Variants in IL1RAPL1 observed in about 807,000 individuals in gnomAD.
IL1RAPL1 encodes the protein interleukin-1 receptor accessory protein-like 1.
IL1RAPL1 carries 3 observed loss-of-function variants against 48.4 expected under a neutral mutation model. The observed-to-expected ratio is 0.06, with a 90% CI of 0.03 to 0.16. The LOEUF (loss-of-function observed/expected upper bound fraction) is 0.16, where lower values mean the gene tolerates loss of function less well. Among genes scored for constraint, IL1RAPL1 ranks in the 10% least tolerant of loss-of-function variants. The pLI is 1.00. For missense variants in IL1RAPL1, 349 were observed against 530.6 expected, an observed-to-expected ratio of 0.66 and a Z score of 3.36; for synonymous variants, 185 against 187.7, an observed-to-expected ratio of 0.99 and a Z score of 0.12.
chrX:29,207,025 G>T (rs1930679160), intron 2 of IL1RAPL1, among the ~76,000 whole-genome samples: 1 of 111,321 alleles, frequency 9.0e-6, no homozygotes, highest in Non-Finnish European at 1.9e-5. Context: ...TCACCCCAAG[G>T]GCTAGAAATG....
At chrX:28,799,778 T>A (rs1320717084) in intron 2 of IL1RAPL1, among the ~76,000 whole-genome samples, 1 of 111,647 alleles carries the variant, frequency 9.0e-6, no homozygotes, top group South Asian at 3.7e-4. Context: ...CTAGTGAGTG[T>A]TTGGAGATGA....
intron 2 of IL1RAPL1, among the ~76,000 whole-genome samples, chrX:29,071,032 T>A (rs768540642): frequency 2.1e-4 from 24 of 111,849 alleles, no homozygotes; most frequent in Non-Finnish European, 4.3e-4. Flanking sequence ...TGGAAGAATT[T>A]AAAATGATAT....
chrX:29,353,661 T>G (rs1933263688), intron 3 of IL1RAPL1, among the ~76,000 whole-genome samples: 1 of 111,220 alleles, frequency 9.0e-6, no homozygotes, highest in Non-Finnish European at 1.9e-5. Flanking sequence ...AAAATATACA[T>G]TTTATCATGC....
At chrX:29,473,767 C>A (rs1023767126) in intron 5 of IL1RAPL1, among the ~76,000 whole-genome samples, 8 of 110,778 alleles carry the variant, frequency 7.2e-5, no homozygotes, top group East Asian at 5.7e-4. Flanking sequence ...TATCTTGCTT[C>A]GTAATTGTAC....
At chrX:29,069,442 A>G in intron 2 of IL1RAPL1, among the ~76,000 whole-genome samples, 1 of 111,439 alleles carries the variant, frequency 9.0e-6, no homozygotes, top group Non-Finnish European at 1.9e-5. Flanking sequence ...ACATAAGTGC[A>G]TACATATGGA....
chrX:29,120,003 C>A (rs1928749584), intron 2 of IL1RAPL1, among the ~76,000 whole-genome samples: 1 of 111,188 alleles, frequency 9.0e-6, no homozygotes, highest in Admixed American at 9.6e-5. Flanking sequence ...AGGGAAATAA[C>A]AAATTCCACC....
At chrX:29,621,541 G>A (rs1924462826) in intron 5 of IL1RAPL1, among the ~76,000 whole-genome samples, 1 of 110,781 alleles carries the variant, frequency 9.0e-6, no homozygotes, top group Admixed American at 9.6e-5. Flanking sequence ...TTACCCAAGT[G>A]AAAAAAGAAA....
intron 2 of IL1RAPL1, among the ~76,000 whole-genome samples, chrX:29,217,759 TC>T (rs1463527466): frequency 1.0e-4 from 6 of 57,900 alleles, no homozygotes; most frequent in Non-Finnish European, 1.9e-4. Context: ...ACATTTTTTC[TC>T]TCTCTCTCTC....
intron 2 of IL1RAPL1, among the ~76,000 whole-genome samples, chrX:28,834,826 G>A (rs1348060393): frequency 1.8e-5 from 2 of 111,491 alleles, no homozygotes; most frequent in Non-Finnish European, 3.8e-5. Context: ...TTGAAATCTA[G>A]TTCTTACACT....
chrX:29,375,159 AT>A (rs764787587), intron 3 of IL1RAPL1, among the ~76,000 whole-genome samples: 2,681 of 75,879 alleles, frequency 0.035, 31 homozygotes, highest in Non-Finnish European at 0.043. Flanking sequence ...ATTGGGAGCA[AT>A]TTTTTTTTTT....
At chrX:28,864,258 A>G (rs1230022445) in intron 2 of IL1RAPL1, among the ~76,000 whole-genome samples, 1 of 111,890 alleles carries the variant, frequency 8.9e-6, no homozygotes, top group Non-Finnish European at 1.9e-5. Flanking sequence ...AGGACTTTTT[A>G]ATGTATCTTT....
intron 6 of IL1RAPL1, among the ~76,000 whole-genome samples, chrX:29,691,508 A>G (rs1297788592): frequency 1.8e-5 from 2 of 111,730 alleles, no homozygotes; most frequent in Non-Finnish European, 3.8e-5. Context: ...TAACGGGACC[A>G]TAATAAAGGT....
At chrX:29,208,201 G>A (rs1412782001) in intron 2 of IL1RAPL1, among the ~76,000 whole-genome samples, 3 of 111,703 alleles carry the variant, frequency 2.7e-5, no homozygotes, top group Non-Finnish European at 3.8e-5. Context: ...GGTGAAAACA[G>A]AGTTAACAGG....
intron 5 of IL1RAPL1, among the ~76,000 whole-genome samples, chrX:29,406,897 G>T (rs964594933): frequency 9.0e-6 from 1 of 111,440 alleles, no homozygotes; most frequent in Non-Finnish European, 1.9e-5. Flanking sequence ...AAGTCATTAC[G>T]TTTTTTGTTG....
chrX:29,042,511 A>G (rs1165897895), intron 2 of IL1RAPL1, among the ~76,000 whole-genome samples: 1 of 111,942 alleles, frequency 8.9e-6, no homozygotes, highest in East Asian at 2.8e-4. Flanking sequence ...TATATAACAT[A>G]TGAATAGACC....
chrX:29,290,325 C>G (rs1932351540), intron 3 of IL1RAPL1, among the ~76,000 whole-genome samples: 1 of 111,813 alleles, frequency 8.9e-6, no homozygotes, highest in African/African-American at 3.2e-5. Flanking sequence ...GGAAGAAATA[C>G]CTCTGAGAAA....
intron 3 of IL1RAPL1, among the ~76,000 whole-genome samples, chrX:29,297,416 G>A (rs1462907631): frequency 1.8e-5 from 2 of 112,141 alleles, no homozygotes; most frequent in Non-Finnish European, 3.8e-5. Flanking sequence ...ATGTCACTAC[G>A]TGCTCCTAAT....
chrX:29,546,081 T>C (rs887096480), intron 5 of IL1RAPL1, among the ~76,000 whole-genome samples: 12 of 111,668 alleles, frequency 1.1e-4, no homozygotes, highest in Non-Finnish European at 1.9e-4. Flanking sequence ...ATTGCAGCAA[T>C]ATCCTCCAAT....
chrX:29,012,025 A>T, intron 2 of IL1RAPL1, among the ~76,000 whole-genome samples: 1 of 112,411 alleles, frequency 8.9e-6, no homozygotes, highest in Non-Finnish European at 1.9e-5. Context: ...ATTATATAAT[A>T]TTTCAGTTGA....
Sources: allele counts gnomAD v4.1 joint callset (sites outside exome capture counted in the v4.1 genomes callset), GRCh38; gene constraint gnomAD v4.1.1; transcripts MANE v1.5; gene names NCBI Gene and HGNC (gene_info 2026-07-23, HGNC 2026-07-21).